RP1L1: variants seen among roughly 807,000 people sequenced by gnomAD.
The protein encoded by RP1L1 is retinitis pigmentosa 1-like 1 protein.
RP1L1 carries 27 observed loss-of-function variants against 15.7 expected under a neutral mutation model. The observed-to-expected ratio is 1.72, with a 90% CI of 1.27 to 2.38. RP1L1 has a LOEUF of 2.38. Ranked by LOEUF, RP1L1 falls within the 30% of genes most tolerant of loss-of-function variation. The probability of loss-of-function intolerance (pLI) is 0.00; values close to 1 mark genes in which losing one functional copy is unlikely to be tolerated. For missense variants in RP1L1, 4,798 were observed against 3,075.9 expected (o/e 1.56, Z -13.24); for synonymous variants, 1,813 against 1,276.7 (o/e 1.42, Z -8.96).
Position 10,607,337 on chromosome 8 carries a change from T to C in RP1L1, c.6761A>G (p.Gln2254Arg). 6.2e-7 allele frequency: 1 copy of C among 1,614,234 alleles called. No individual in the cohort carries two copies. Among genetic ancestry groups the C allele is most frequent in the Non-Finnish European group, 8.5e-7 (1 of 1,180,036 alleles). Reference sequence around the variant, plus strand: ...AGATTGGCCATCTCCTAGACTGACCTGAGGGCTCCCCTTTTTCTCACCTTG... The same window carrying C: ...AGATTGGCCATCTCCTAGACTGACCCGAGGGCTCCCCTTTTTCTCACCTTG... Reference protein sequence around the residue: ...ETQGEKKGSPQVSLGDGQSEE... With the variant: ...ETQGEKKGSPRVSLGDGQSEE... The change falls in exon 4 of 4, where the codon CAG (glutamine) becomes CGG (arginine). Residue 2254 changes from glutamine to arginine, a missense_variant. Gln to Arg is a conservative substitution (Grantham distance 43). Coordinates refer to ENST00000382483, the MANE Select transcript of RP1L1 (RefSeq NM_178857.6).
intron 1 of RP1L1, among the ~76,000 whole-genome samples, chr8:10,641,965 T>C (rs1471064612): frequency 6.6e-6 from 1 of 152,054 alleles, no homozygotes; most frequent in Non-Finnish European, 1.5e-5. Flanking sequence ...GATGTGGCTA[T>C]AAGAGGCAGC....
chr8:10,651,085 T>C lies in RP1L1; in HGVS notation c.-20+3813A>G, dbSNP rs972728072. ...TGAGATCTAGTCTGTAAGGTAAAGG[T>C]TGATAAATCAGGAAGCAGGCTCAGA... On this transcript the variant is annotated intron_variant, in intron 1 of 3. Coordinates refer to ENST00000382483, the MANE Select transcript of RP1L1 (RefSeq NM_178857.6). 4.6e-5 allele frequency among the ~76,000 whole-genome samples: 7 copies of C among 152,202 alleles called. No homozygotes were observed. In the East Asian group the frequency reaches 9.6e-4, roughly 21 times the overall value.
Position 10,609,607 on chromosome 8 carries a change from CT to C in RP1L1, c.4490del (p.Gln1497ArgfsTer27). 6.2e-7 allele frequency: 1 copy of C among 1,607,168 alleles called. No individual in the cohort carries two copies. The highest frequency in any genetic ancestry group is 2.2e-5 in the East Asian group (1 of 44,864). ...GQEHTQAQPT[Q>X]GAAERSSSVA... ...CCGAAGAGCTCCTCTCTGCAGCCCC[CT>C]GGGTGGGTTGGGCCTGCGTGTGCTC... is the stretch of plus-strand genomic sequence containing the variant. On this transcript the variant is annotated frameshift_variant, in exon 4 of 4. Transcript: ENST00000382483. LOFTEE classifies it low-confidence loss of function (END_TRUNC).
chr8:10,648,341 G>C (rs1417550556), intron 1 of RP1L1, among the ~76,000 whole-genome samples: 1 of 151,900 alleles, frequency 6.6e-6, no homozygotes, highest in Non-Finnish European at 1.5e-5. Flanking sequence ...CAATTTTCTG[G>C]GTTTTTTTGT....
chr8:10,612,596 T>G lies in RP1L1; in HGVS notation c.1502A>C (p.Glu501Ala). 1 of 1,602,626 alleles carries G rather than the reference T, an allele frequency of 6.2e-7. No homozygotes were observed. The highest frequency in any genetic ancestry group is 8.5e-7 in the Non-Finnish European group (1 of 1,179,210). The change falls in exon 4 of 4, where the codon GAG (glutamate) becomes GCG (alanine). Residue 501 changes from glutamate (E) to alanine (A), a missense_variant. By Grantham distance (107) the Glu-to-Ala change is moderately radical (BLOSUM62 -1). Coordinates refer to ENST00000382483, the MANE Select transcript of RP1L1 (RefSeq NM_178857.6). ...AERKAGGSLG[E>A]DPGLCIDGAG... ...TCCATCTATGCATAGGCCGGGGTCCTCACCCAGGCTCCCTCCAGCTTTCCG... is the reference window on the plus strand; with the variant it reads ...TCCATCTATGCATAGGCCGGGGTCCGCACCCAGGCTCCCTCCAGCTTTCCG...
chr8:10,618,083 G>C (rs552249556), intron 2 of RP1L1, among the ~76,000 whole-genome samples: 12 of 152,326 alleles, frequency 7.9e-5, no homozygotes, highest in African/African-American at 2.4e-4. Flanking sequence ...TTAAAGCACA[G>C]AGCATGTTCT....
intron 2 of RP1L1, chr8:10,621,898 C>T (rs1798065851): frequency 2.5e-6 from 1 of 407,558 alleles, no homozygotes; most frequent in Admixed American, 2.7e-5. Context: ...CCAATTCACT[C>T]TCTGGCTTCC....
Position 10,606,884 on chromosome 8 carries a change from C to T in RP1L1, c.*11G>A. 6.2e-7 allele frequency: 1 copy of T among 1,614,128 alleles called. No individual in the cohort carries two copies. On this transcript the variant is annotated 3_prime_UTR_variant, in exon 4 of 4. Coordinates refer to ENST00000382483, the MANE Select transcript of RP1L1 (RefSeq NM_178857.6). ...TCCCAAGCTCGTGATTGTTTTCTAG[C>T]TTGATCTTGTCTAGAAATCTAAGTC...
chr8:10,650,878 T>C (rs553503633), intron 1 of RP1L1, among the ~76,000 whole-genome samples: 7 of 152,352 alleles, frequency 4.6e-5, no homozygotes, highest in Non-Finnish European at 1.0e-4. Context: ...ACTCTGTAGT[T>C]CTTTACACTT....
Position 10,608,670 on chromosome 8 carries a change from GCCCAGAGCCTTGACCC to G in RP1L1, c.5412_5427del (p.Gly1805MetfsTer26). The stretch of plus-strand genomic sequence containing the variant: ...GCTTCACCCTGCAAGTTGTCCTCAT[GCCCAGAGCCTTGACCC>G]CCAGTTTCTCCCCTTTCACTTATGC... On this transcript the variant is annotated frameshift_variant, in exon 4 of 4. Coordinates refer to ENST00000382483, the MANE Select transcript of RP1L1 (RefSeq NM_178857.6). LOFTEE classifies it low-confidence loss of function (END_TRUNC). 1 of 1,614,154 alleles carries G rather than the reference GCCCAGAGCCTTGACCC, an allele frequency of 6.2e-7. No individual in the cohort carries two copies. The highest frequency in any genetic ancestry group is 1.7e-5 in the Admixed American group (1 of 60,024).
At position 10,609,738 on chromosome 8, in the gene RP1L1, G is replaced by A. The variant is rs200392631; in HGVS notation, c.4360C>T (p.Pro1454Ser). The change falls in exon 4 of 4, where the codon CCT (proline) becomes TCT (serine). Residue 1454 changes from proline (P) to serine (S), a missense_variant. Transcript: ENST00000382483. ...AEGTEEPTEP[P>S]SHLSETDPSA... Reference sequence around the variant, plus strand: ...GGGTCCGTCTCGCTGAGATGACTAGGGGGCTCTGTGGGTTCCTCTGTGCCC... The same window carrying A: ...GGGTCCGTCTCGCTGAGATGACTAGAGGGCTCTGTGGGTTCCTCTGTGCCC... The A allele has an allele frequency of 1.8e-4, 296 of 1,613,464 alleles. 1 individual carries two copies. The African/African-American group carries it at 3.6e-3, about 20-fold the overall frequency.
chr8:10,631,612 G>C (rs1407992357), intron 1 of RP1L1, among the ~76,000 whole-genome samples: 1 of 152,230 alleles, frequency 6.6e-6, no homozygotes, highest in South Asian at 2.1e-4. Flanking sequence ...GACATCCGAG[G>C]CTTGGCAAAG....
intron 2 of RP1L1, among the ~76,000 whole-genome samples, chr8:10,620,497 T>C (rs918418177): frequency 6.6e-6 from 1 of 152,072 alleles, no homozygotes; most frequent in Non-Finnish European, 1.5e-5. Context: ...TCCCAACTAC[T>C]TGGGAGGCTG....
intron 1 of RP1L1, among the ~76,000 whole-genome samples, chr8:10,639,692 A>C (rs570386778): frequency 6.6e-6 from 1 of 152,210 alleles, no homozygotes; most frequent in Admixed American, 6.5e-5. Context: ...TTTGTTGAAT[A>C]AACCACATTA....
intron 1 of RP1L1, among the ~76,000 whole-genome samples, chr8:10,649,417 G>C (rs1381006157): frequency 6.6e-6 from 1 of 152,192 alleles, no homozygotes; most frequent in African/African-American, 2.4e-5. Context: ...CAAGGGCTTT[G>C]CCTGAGAAAT....
At chr8:10,650,350 T>C (rs568193451) in intron 1 of RP1L1, among the ~76,000 whole-genome samples, 3 of 152,320 alleles carry the variant, frequency 2.0e-5, no homozygotes, top group Non-Finnish European at 2.9e-5. Flanking sequence ...TAGCTGCTAA[T>C]AGTCTCCCAA....
intron 1 of RP1L1, among the ~76,000 whole-genome samples, chr8:10,636,146 C>T (rs184400531): frequency 6.0e-4 from 91 of 152,352 alleles, no homozygotes; most frequent in Admixed American, 4.5e-3. Flanking sequence ...TTATTTGCAA[C>T]GCAGTTGGAC....
intron 1 of RP1L1, among the ~76,000 whole-genome samples, chr8:10,631,818 G>A (rs142590952): frequency 6.6e-6 from 1 of 152,212 alleles, no homozygotes; most frequent in Non-Finnish European, 1.5e-5. Context: ...GTCCTGGGGG[G>A]CTCTCCACGG....
rs77679870 is a variant in RP1L1, at chr8:10,616,545, C to G, written c.652G>C (p.Val218Leu). Residue 218 changes from valine to leucine, a missense_variant, in exon 3 of 4, where the codon GTG (valine) becomes CTG (leucine). By Grantham distance (32) the Val-to-Leu change is conservative. Transcript: ENST00000382483. ...QALLHSPSVL[V>L]CAGHEAFRTP... is the part of the protein sequence containing the mutation. ...CTGAAGGCCTCATGCCCGGCACACA[C>G]CAGCACAGAGGGGCTGTGCAGCAGG... 6.2e-7 allele frequency: 1 copy of G among 1,614,050 alleles called. No individual in the cohort carries two copies. Among genetic ancestry groups the G allele is most frequent in the East Asian group, 2.2e-5 (1 of 44,882 alleles).
Sources: gnomAD v4.1 joint callset for allele counts (sites outside exome capture counted in the v4.1 genomes callset) on GRCh38, gnomAD v4.1.1 for gene constraint, MANE v1.5 for transcripts, NCBI Gene and HGNC (gene_info 2026-07-23, HGNC 2026-07-21) for gene names.